Variants in IL12RB2 observed in about 807,000 individuals in gnomAD.
The protein encoded by IL12RB2 is interleukin 12 receptor subunit beta 2, also known as interleukin-12 receptor subunit beta-2.
Under a neutral mutation model 89.4 loss-of-function variants are expected in IL12RB2, and 82 were observed. The ratio of observed to expected loss-of-function variants is 0.92; its 90% CI spans 0.77 to 1.10. The LOEUF (loss-of-function observed/expected upper bound fraction) is 1.10. Ranked by LOEUF, IL12RB2 falls within the 50% of genes least tolerant of loss-of-function variation. The pLI, the probability that IL12RB2 is intolerant of heterozygous loss-of-function variation, is 0.00. For synonymous variants in IL12RB2, 368 were observed against 370.1 expected, an observed-to-expected ratio of 0.99 and a Z score of 0.07; for missense variants, 963 against 1,031.9, an observed-to-expected ratio of 0.93 and a Z score of 0.92.
At chr1:67,393,419 G>A (rs770022517) in intron 16 of IL12RB2, among the ~76,000 whole-genome samples, 6 of 152,192 alleles carry the variant, frequency 3.9e-5, no homozygotes, top group African/African-American at 1.4e-4. Context: ...CTCTCCTGAC[G>A]GCAGAGCAAA....
chr1:67,323,871 G>T (rs1263974481), intron 4 of IL12RB2, among the ~76,000 whole-genome samples: 1 of 152,124 alleles, frequency 6.6e-6, no homozygotes, highest in Admixed American at 6.5e-5. Flanking sequence ...CAGGCATGGA[G>T]ACAACCTGTC....
At chr1:67,381,765 CAAAAAAAAAAA>C (rs61066016) in intron 14 of IL12RB2, among the ~76,000 whole-genome samples, 1 of 123,656 alleles carries the variant, frequency 8.1e-6, no homozygotes, top group Admixed American at 8.2e-5. Context: ...GACTATGTTT[CAAAAAAAAAAA>C]AAAAAAAAAG....
chr1:67,361,915 A>C (rs1662093925), intron 10 of IL12RB2, among the ~76,000 whole-genome samples: 1 of 152,212 alleles, frequency 6.6e-6, no homozygotes, highest in African/African-American at 2.4e-5. Flanking sequence ...CTCTTGAAAG[A>C]AGCCACAGGA....
At chr1:67,351,129 T>A in intron 10 of IL12RB2, 40 bp downstream of exon 10, 1 of 1,605,492 alleles carries the variant, frequency 6.2e-7, no homozygotes. Context: ...TGTGGAAAAC[T>A]GTGTCTTACT....
At chr1:67,346,575 G>A (rs558785775) in intron 9 of IL12RB2, among the ~76,000 whole-genome samples, 2 of 151,944 alleles carry the variant, frequency 1.3e-5, no homozygotes, top group East Asian at 1.9e-4. Context: ...TTAGTAGAAA[G>A]TGGTTTCACC....
At chr1:67,325,533 A>G (rs1478970044) in intron 4 of IL12RB2, among the ~76,000 whole-genome samples, 1 of 152,252 alleles carries the variant, frequency 6.6e-6, no homozygotes, top group Non-Finnish European at 1.5e-5. Context: ...AATTGTTGGG[A>G]TTACAGGCGT....
intron 6 of IL12RB2, among the ~76,000 whole-genome samples, chr1:67,328,944 T>TA (rs1296213724): frequency 5.9e-5 from 9 of 152,208 alleles, no homozygotes; most frequent in African/African-American, 2.2e-4. Context: ...ATCTCAAGCA[T>TA]TCCAAGTTCT....
At position 67,386,875 on chromosome 1, in the gene IL12RB2, TATATA is replaced by T. The variant is rs1557476362; in HGVS notation, c.1946+207_1946+211del. ...AATCTCTAACTAGAAATGTATTTTA[TATATA>T]TATATATATATATATATATATATAT... is the stretch of plus-strand genomic sequence containing the variant. On this transcript the variant is annotated intron_variant, in intron 15 of 16. Coordinates refer to ENST00000674203, the MANE Select transcript of IL12RB2 (RefSeq NM_001374259.2). Among the ~76,000 whole-genome samples, 50 of 19,980 alleles carry T rather than the reference TATATA, an allele frequency of 2.5e-3. 1 individual carries two copies. In the South Asian group the frequency reaches 0.043, roughly 17 times the overall value. 13.1% of individuals were successfully genotyped at this position (19,980 alleles called of 152,430 possible). A position where few individuals can be genotyped will look rare whatever the true frequency, so the allele number is the denominator to read the frequency against.
At chr1:67,329,134 C>T (rs1657716856) in intron 6 of IL12RB2, among the ~76,000 whole-genome samples, 1 of 152,142 alleles carries the variant, frequency 6.6e-6, no homozygotes, top group Non-Finnish European at 1.5e-5. Flanking sequence ...TTTCATAGAC[C>T]GTTCATCTCT....
intron 8 of IL12RB2, 22 bp from the exon 9 acceptor site, chr1:67,338,602 C>G: frequency 8.2e-7 from 1 of 1,217,662 alleles, no homozygotes. Context: ...GAAAATATGT[C>G]TTTTTTTCTC....
intron 5 of IL12RB2, among the ~76,000 whole-genome samples, chr1:67,327,100 A>G (rs978471673): frequency 1.2e-4 from 18 of 151,874 alleles, no homozygotes; most frequent in African/African-American, 4.4e-4. Flanking sequence ...GGCTGGGATT[A>G]CAGGCACCCA....
intron 13 of IL12RB2, among the ~76,000 whole-genome samples, chr1:67,373,755 A>G (rs1162032576): frequency 6.6e-6 from 1 of 152,142 alleles, no homozygotes; most frequent in African/African-American, 2.4e-5. Flanking sequence ...GCTTTCAGGA[A>G]CATTTGTCAT....
chr1:67,375,219 AC>A (rs1570129800), intron 13 of IL12RB2, among the ~76,000 whole-genome samples: 1 of 151,936 alleles, frequency 6.6e-6, no homozygotes, highest in East Asian at 1.9e-4. Flanking sequence ...ACATGGTGAA[AC>A]CCTGTCTCTA....
intron 5 of IL12RB2, 84 bp downstream of exon 5, chr1:67,326,933 T>TTTA (rs1657382420): frequency 2.1e-6 from 2 of 972,924 alleles, no homozygotes; most frequent in Non-Finnish European, 2.6e-6. Context: ...CTTTATTTAT[T>TTTA]TTTATTTTAT....
chr1:67,352,039 A>G (rs1660906217), intron 10 of IL12RB2, among the ~76,000 whole-genome samples: 1 of 152,212 alleles, frequency 6.6e-6, no homozygotes, highest in East Asian at 1.9e-4. Flanking sequence ...AGTCTACCAA[A>G]ATACTATTAT....
intron 9 of IL12RB2, among the ~76,000 whole-genome samples, chr1:67,343,313 T>C (rs1659859507): frequency 6.6e-6 from 1 of 151,984 alleles, no homozygotes; most frequent in African/African-American, 2.4e-5. Context: ...GACTCCTGGG[T>C]TCAAGTGATC....
intron 9 of IL12RB2, 90 bp from the exon 10 acceptor site, chr1:67,350,780 G>T: frequency 6.4e-7 from 1 of 1,570,966 alleles, no homozygotes; most frequent in Non-Finnish European, 8.6e-7. Context: ...AGCTGTAGCT[G>T]CCTAGTACAT....
At chr1:67,380,260 G>A in intron 14 of IL12RB2, 137 bp downstream of exon 14, 1 of 842,628 alleles carries the variant, frequency 1.2e-6, no homozygotes, top group Non-Finnish European at 2.0e-6. Context: ...TACACTTGCT[G>A]TTTCTCCTAA....
rs1169697617 is a variant in IL12RB2 at position 67,307,888 on chromosome 1, C to G, written c.-204C>G. 3 of 152,004 alleles carry G rather than the reference C, an allele frequency of 2.0e-5. No homozygotes were observed. Among genetic ancestry groups the G allele is most frequent in the Admixed American group, 2.0e-4 (3 of 15,270 alleles). 9.4% of individuals were successfully genotyped at this position (152,004 alleles called of 1,614,324 possible). On this transcript the variant is annotated 5_prime_UTR_variant, in exon 1 of 17. Transcript: ENST00000674203. ...GAGCGCCGGCAGAGAGCGCGGAGAGCGCGACACGTGCGGCCCAGAGCACCG... is the reference window on the plus strand; with the variant it reads ...GAGCGCCGGCAGAGAGCGCGGAGAGGGCGACACGTGCGGCCCAGAGCACCG...
Sources: allele counts gnomAD v4.1 joint callset (sites outside exome capture counted in the v4.1 genomes callset), GRCh38; gene constraint gnomAD v4.1.1; transcripts MANE v1.5; gene names NCBI Gene and HGNC (gene_info 2026-07-23, HGNC 2026-07-21).